SIVA1: variants seen among roughly 807,000 people sequenced by gnomAD.
The protein encoded by SIVA1 is apoptosis regulatory protein Siva.
A neutral mutation model predicts 19.7 loss-of-function variants in SIVA1; 10 were observed. The ratio of observed to expected loss-of-function variants is 0.51; its 90% CI spans 0.31 to 0.86. SIVA1 has a LOEUF of 0.86. Ranked by LOEUF, SIVA1 falls within the 40% of genes least tolerant of loss-of-function variation. SIVA1 has a pLI of 0.04. For synonymous variants in SIVA1, 130 were observed against 106.1 expected, an observed-to-expected ratio of 1.23 and a Z score of -1.39; for missense variants, 241 against 245.2, an observed-to-expected ratio of 0.98 and a Z score of 0.11.
rs866501327 is a variant in SIVA1 at position 104,755,715 on chromosome 14, A to G, written c.204A>G (p.Pro68=). 6 of 1,614,132 alleles carry G rather than the reference A, an allele frequency of 3.7e-6. No homozygotes were observed. The highest frequency in any genetic ancestry group is 3.3e-4 in the Middle Eastern group (2 of 6,038). Reference sequence around the variant, plus strand: ...AAGGCTGTGCCGTCGTTCACCTGCCAGAGTCCCCAAAGCCTGGCCCTACAG... The same window carrying G: ...AAGGCTGTGCCGTCGTTCACCTGCCGGAGTCCCCAAAGCCTGGCCCTACAG... ...WDEGCAVVHL[P]ESPKPGPTGA... is the part of the protein sequence containing the mutation. Residue 68 remains proline, a synonymous_variant, in exon 2 of 4, where the codon CCA becomes CCG. Transcript: ENST00000329967.
chr14:104,758,394 G>A (rs1440195093), intron 3 of SIVA1: 3 of 152,252 alleles, frequency 2.0e-5, no homozygotes, highest in Admixed American at 6.5e-5. Context: ...GTCGTGTTTG[G>A]GGTAGCCATT....
At chr14:104,756,988 A>G (rs542836194) in intron 3 of SIVA1, 197 of 580,914 alleles carry the variant, frequency 3.4e-4, no homozygotes, top group African/African-American at 2.8e-3. Context: ...CCTGCTCTGT[A>G]TCCGGCTCTA....
In SIVA1 at chr14:104,759,361, G is replaced by C. The variant is rs892343488; in HGVS notation, c.471-67G>C. ...GTTAGGACTTTGACGTTTGAATGGTGGGGGGTGGTGGACACAATTCAGCCC... is the reference window on the plus strand; with the variant it reads ...GTTAGGACTTTGACGTTTGAATGGTCGGGGGTGGTGGACACAATTCAGCCC... On this transcript the variant is annotated intron_variant, in intron 3 of 3. Transcript: ENST00000329967. The surrounding 1 kb of genome is among the most constrained non-coding windows in gnomAD (Gnocchi z 4.2). 36 of 1,344,574 alleles carry C rather than the reference G, an allele frequency of 2.7e-5. No homozygotes were observed. Among genetic ancestry groups the C allele is most frequent in the Non-Finnish European group, 1.4e-5 (13 of 951,614 alleles). The allele number at this position is 1,344,574 out of a possible 1,614,324, so 83.3% of individuals were successfully genotyped here.
chr14:104,753,170 C>A lies in SIVA1; in HGVS notation c.-32C>A. The A allele has an allele frequency of 1.4e-6, 2 of 1,422,560 alleles. No homozygotes were observed. Among genetic ancestry groups the A allele is most frequent in the Non-Finnish European group, 1.9e-6 (2 of 1,037,252 alleles). 88.1% of individuals were successfully genotyped at this position (1,422,560 alleles called of 1,614,324 possible). On this transcript the variant is annotated 5_prime_UTR_variant, in exon 1 of 4. Coordinates refer to ENST00000329967, the MANE Select transcript of SIVA1 (RefSeq NM_006427.4). ...GCGTCGTTGGTAAGGGGCTGGCGGC[C>A]GGGGAGCTGCGTAGCTCCCGGCCCC... is the stretch of plus-strand genomic sequence containing the variant.
rs188418371 is a variant in SIVA1, at chr14:104,754,795, C to T, written c.119-835C>T. 3.3e-5 allele frequency among the ~76,000 whole-genome samples: 5 copies of T among 152,214 alleles called. No individual in the cohort carries two copies. The East Asian group carries it at 7.7e-4, about 23-fold the overall frequency. Reference sequence around the variant, plus strand: ...TATAGATGGGGGAAGGTGTGGGGGGCCAGGAGGAAGGTGCAGGGTGTTGTG... The same window carrying T: ...TATAGATGGGGGAAGGTGTGGGGGGTCAGGAGGAAGGTGCAGGGTGTTGTG... On this transcript the variant is annotated intron_variant, in intron 1 of 3. Coordinates refer to ENST00000329967, the MANE Select transcript of SIVA1 (RefSeq NM_006427.4).
rs1460472622 is a variant in SIVA1 at position 104,756,377 on chromosome 14, A to C, written c.314-227A>C. On this transcript the variant is annotated intron_variant, in intron 2 of 3. Coordinates refer to ENST00000329967, the MANE Select transcript of SIVA1 (RefSeq NM_006427.4). ...GACCTGGTAAGGGAAAGAGCACTGA[A>C]CTTGGAGTCAACTACAGGCATATCT... is the stretch of plus-strand genomic sequence containing the variant. The C allele has an allele frequency of 4.2e-5, 25 of 589,880 alleles. 1 individual carries two copies. The East Asian group carries it at 7.1e-4, about 17-fold the overall frequency. The allele number at this position is 589,880 out of a possible 1,614,324, so 36.5% of individuals were successfully genotyped here. A position where few individuals can be genotyped will look rare whatever the true frequency, so the allele number is the denominator to read the frequency against.
chr14:104,756,821 G>T, intron 3 of SIVA1, 61 bp downstream of exon 3: 1 of 1,534,830 alleles, frequency 6.5e-7, no homozygotes. Flanking sequence ...CGTGATGGGG[G>T]ACGGGTGGGT....
At chr14:104,756,417 G>C (rs1363553576) in intron 2 of SIVA1, 187 bp from the exon 3 acceptor site, 2 of 622,150 alleles carry the variant, frequency 3.2e-6, no homozygotes, top group African/African-American at 3.7e-5. Flanking sequence ...TTGGATCTCT[G>C]TAGTAAAACG....
chr14:104,753,428 TG>T (rs1891773970), intron 1 of SIVA1, 109 bp downstream of exon 1: 1 of 723,494 alleles, frequency 1.4e-6, no homozygotes, highest in African/African-American at 1.9e-5. Flanking sequence ...CCCTGCTTTC[TG>T]GCCCCGCGTT....
intron 1 of SIVA1, chr14:104,753,893 G>T: frequency 2.6e-6 from 1 of 389,198 alleles, no homozygotes; most frequent in South Asian, 1.7e-5. Flanking sequence ...GCACAGGTTT[G>T]TGCAGGCGCA....
intron 1 of SIVA1, 151 bp from the exon 2 acceptor site, chr14:104,755,479 C>T (rs941925798): frequency 1.0e-5 from 7 of 699,164 alleles, no homozygotes; most frequent in East Asian, 5.2e-5. Context: ...GGACCCAGCT[C>T]GCCAGGGCAC....
At chr14:104,753,629 C>G in intron 1 of SIVA1, 1 of 463,676 alleles carries the variant, frequency 2.2e-6, no homozygotes, top group East Asian at 4.3e-5. Context: ...GCGGCACCCG[C>G]CTGGTGCTTT....
Position 104,759,547 on chromosome 14 carries a change from C to A in SIVA1, c.*62C>A. 1.4e-6 allele frequency: 2 copies of A among 1,430,358 alleles called. No individual in the cohort carries two copies. Among genetic ancestry groups the A allele is most frequent in the Non-Finnish European group, 1.9e-6 (2 of 1,026,846 alleles). 88.6% of individuals were successfully genotyped at this position (1,430,358 alleles called of 1,614,324 possible). A position where few individuals can be genotyped will look rare whatever the true frequency, so the allele number is the denominator to read the frequency against. ...GCCGTGCATGGCAGCCTTCCCTGGA[C>A]GAGCGCTCGGTGTTCACACTGAACT... On this transcript the variant is annotated 3_prime_UTR_variant, in exon 4 of 4. Coordinates refer to ENST00000329967, the MANE Select transcript of SIVA1 (RefSeq NM_006427.4). The surrounding 1 kb of genome is among the most constrained non-coding windows in gnomAD (Gnocchi z 4.2).
intron 2 of SIVA1, 137 bp downstream of exon 2, chr14:104,755,961 C>G (rs1402105275): frequency 1.2e-6 from 1 of 814,228 alleles, no homozygotes; most frequent in Non-Finnish European, 2.1e-6. Context: ...CCTTCTGGCT[C>G]AGAAGGCTCC....
rs1892009323 is a variant in SIVA1, at chr14:104,759,364, G to T, written c.471-64G>T. 1 of 1,381,138 alleles carries T rather than the reference G, an allele frequency of 7.2e-7. No homozygotes were observed. Among genetic ancestry groups the T allele is most frequent in the East Asian group, 2.4e-5 (1 of 41,722 alleles). The allele number at this position is 1,381,138 out of a possible 1,614,324, so 85.6% of individuals were successfully genotyped here. A position where few individuals can be genotyped will look rare whatever the true frequency, so the allele number is the denominator to read the frequency against. On this transcript the variant is annotated intron_variant, in intron 3 of 3. Transcript: ENST00000329967. The surrounding 1 kb of genome is among the most constrained non-coding windows in gnomAD (Gnocchi z 4.2). ...AGGACTTTGACGTTTGAATGGTGGG[G>T]GGTGGTGGACACAATTCAGCCCCTG...
intron 3 of SIVA1, chr14:104,758,319 C>T (rs1891968056): frequency 6.6e-6 from 1 of 152,400 alleles, no homozygotes; most frequent in Non-Finnish European, 1.5e-5. Flanking sequence ...ACCCACAATA[C>T]TACTGGCAAA....
chr14:104,759,132 GGTT>G lies in SIVA1; in HGVS notation c.471-295_471-293del, dbSNP rs1260351944. ...CCTGGCCTCTCTCCTGGCATCTGCT[GGTT>G]ATCTTTGGTGTTCCCTGTAGACAGC... On this transcript the variant is annotated intron_variant, in intron 3 of 3. Transcript: ENST00000329967. This position sits in a 1 kb window ranked among gnomAD's most constrained non-coding sequence, Gnocchi z 4.2. 3.7e-6 allele frequency: 1 copy of G among 270,336 alleles called. No individual in the cohort carries two copies. The highest frequency in any genetic ancestry group is 7.0e-6 in the Non-Finnish European group (1 of 143,382). 16.7% of individuals were successfully genotyped at this position (270,336 alleles called of 1,614,324 possible). A position where few individuals can be genotyped will look rare whatever the true frequency, so the allele number is the denominator to read the frequency against.
rs77475087 is a variant in SIVA1 at position 104,759,268 on chromosome 14, G to A, written c.471-160G>A. 0.011 allele frequency: 5,941 copies of A among 533,782 alleles called. 305 individuals carry two copies. The highest frequency in any genetic ancestry group is 0.084 in the East Asian group (2,616 of 31,154). The allele number at this position is 533,782 out of a possible 1,614,324, so 33.1% of individuals were successfully genotyped here. On this transcript the variant is annotated intron_variant, in intron 3 of 3. Coordinates refer to ENST00000329967, the MANE Select transcript of SIVA1 (RefSeq NM_006427.4). The surrounding 1 kb of genome is among the most constrained non-coding windows in gnomAD (Gnocchi z 4.2). ...GCCTTAGGGCCCCCATGTCAGTGCC[G>A]TCATCTAGACTGATGATGCCCGCAG...
At chr14:104,756,371 C>G (rs967228399) in intron 2 of SIVA1, 9 of 585,916 alleles carry the variant, frequency 1.5e-5, no homozygotes, top group Non-Finnish European at 2.1e-5. Context: ...AGGGAAAGAG[C>G]ACTGAACTTG....
Sources: allele counts gnomAD v4.1 joint callset (sites outside exome capture counted in the v4.1 genomes callset), GRCh38; gene constraint gnomAD v4.1.1; non-coding constraint Gnocchi (gnomAD v3.1); transcripts MANE v1.5; gene names NCBI Gene and HGNC (gene_info 2026-07-23, HGNC 2026-07-21).